Variants in CHD8 observed in about 807,000 individuals in gnomAD.
CHD8 encodes the protein ATP-dependent chromatin remodeler CHD8.
In CHD8, 31 loss-of-function variants were observed where a neutral mutation model predicts 279.2. The ratio of observed to expected loss-of-function variants is 0.11; its 90% CI spans 0.08 to 0.15. The LOEUF (loss-of-function observed/expected upper bound fraction) is 0.15. Ranked by LOEUF, CHD8 falls within the 10% of genes least tolerant of loss-of-function variation. The pLI, the probability that CHD8 is intolerant of heterozygous loss-of-function variation, is 1.00. For synonymous variants in CHD8, 1,081 were observed against 1,139.6 expected, an observed-to-expected ratio of 0.95 and a Z score of 1.04; for missense variants, 2,146 against 3,230.5, an observed-to-expected ratio of 0.66 and a Z score of 8.14.
intron 5 of CHD8, chr14:21,416,647 A>G (rs1037930091): frequency 6.6e-6 from 1 of 151,958 alleles, no homozygotes; most frequent in African/African-American, 2.4e-5. Context: ...AATTATGATT[A>G]TCTCTCTGGA....
chr14:21,390,961 T>C lies in CHD8; in HGVS notation c.7168A>G (p.Arg2390Gly). ...GMEPVQTANS[R>G]NGKKGHHTET... ...ATTTCTCTCACCTTTTTCCCATTTCTAGAGTTAGCTGTCTGTACTGGTTCC... is the reference window on the plus strand; with the variant it reads ...ATTTCTCTCACCTTTTTCCCATTTCCAGAGTTAGCTGTCTGTACTGGTTCC... The change falls in exon 37 of 38, where the codon AGA (arginine) becomes GGA (glycine). Residue 2390 changes from arginine to glycine, a missense_variant. Transcript: ENST00000646647. 1 of 1,589,070 alleles carries C rather than the reference T, an allele frequency of 6.3e-7. No homozygotes were observed. Among genetic ancestry groups the C allele is most frequent in the Non-Finnish European group, 8.6e-7 (1 of 1,162,144 alleles).
chr14:21,385,663 C>A lies in CHD8; in HGVS notation c.7696G>T (p.Asp2566Tyr). 1.9e-6 allele frequency: 3 copies of A among 1,551,938 alleles called. No homozygotes were observed. The highest frequency in any genetic ancestry group is 2.6e-6 in the Non-Finnish European group (3 of 1,147,042). Residue 2566 changes from aspartate to tyrosine, a missense_variant, in exon 38 of 38, where the codon GAT (aspartate) becomes TAT (tyrosine). By Grantham distance (160) the Asp-to-Tyr change is radical. This residue lies in a region of CHD8 where 336 missense variants were observed against 392.9 expected (regional missense o/e 0.86). Transcript: ENST00000646647. ...SSERDFSLID[D>Y]PMMPANSDSS... The stretch of plus-strand genomic sequence containing the variant: ...TCTGAGTTAGCTGGCATCATAGGAT[C>A]ATCAATGAGTGAGAAGTCCCTTTCT...
At chr14:21,394,546 A>G (rs1448878735) in intron 30 of CHD8, 61 bp from the exon 31 acceptor site, 21 of 1,053,142 alleles carry the variant, frequency 2.0e-5, no homozygotes, top group Non-Finnish European at 2.5e-5. Flanking sequence ...ACACAAGAAA[A>G]CTGGTTATTT....
At chr14:21,434,842 C>T (rs75153069) in intron 1 of CHD8, among the ~76,000 whole-genome samples, 1 of 151,972 alleles carries the variant, frequency 6.6e-6, no homozygotes, top group Admixed American at 6.6e-5. Context: ...CTTTTTTTAA[C>T]CCTCCTTCTA....
At position 21,400,365 on chromosome 14, in the gene CHD8, G is replaced by A. The variant is rs577648543; in HGVS notation, c.4570+48C>T. 1.2e-6 allele frequency: 2 copies of A among 1,606,820 alleles called. No homozygotes were observed. Among genetic ancestry groups the A allele is most frequent in the South Asian group, 2.2e-5 (2 of 89,870 alleles). On this transcript the variant is annotated intron_variant, in intron 23 of 37. Coordinates refer to ENST00000646647, the MANE Select transcript of CHD8 (RefSeq NM_001170629.2). The surrounding 1 kb of genome is among the most constrained non-coding windows in gnomAD (Gnocchi z 4.2). ...GAGAAAAACCCTTGGACCTGAAAAG[G>A]ATTAGATTAACCTATAGAAAAACAT...
chr14:21,437,233 T>C (rs1034881133), intron 1 of CHD8: 4 of 1,185,236 alleles, frequency 3.4e-6, no homozygotes, highest in African/African-American at 1.6e-5. Context: ...CCTCTCCCTG[T>C]CTCTCCAGCA....
Position 21,385,550 on chromosome 14 carries a change from T to C in CHD8, c.*63A>G, listed in dbSNP as rs557336181. 6.7e-7 allele frequency: 1 copy of C among 1,499,596 alleles called. No individual in the cohort carries two copies. Among genetic ancestry groups the C allele is most frequent in the East Asian group, 2.5e-5 (1 of 40,528 alleles). The allele number at this position is 1,499,596 out of a possible 1,614,324, so 92.9% of individuals were successfully genotyped here. A position where few individuals can be genotyped will look rare whatever the true frequency, so the allele number is the denominator to read the frequency against. On this transcript the variant is annotated 3_prime_UTR_variant, in exon 38 of 38. Coordinates refer to ENST00000646647, the MANE Select transcript of CHD8 (RefSeq NM_001170629.2). ...CCCTGCCCCTCCCACGTTTCCATAG[T>C]CCAAGGGCCAGAGTAAATGAAAATA...
In CHD8 at chr14:21,456,048, A is replaced by G. The variant is rs73581403; in HGVS notation, c.-232T>C. 0.14 allele frequency: 20,829 copies of G among 152,254 alleles called. 1,677 individuals are homozygous for G. Among genetic ancestry groups the G allele is most frequent in the Admixed American group, 0.22 (3,413 of 15,266 alleles). The allele number at this position is 152,254 out of a possible 1,614,324, so 9.4% of individuals were successfully genotyped here. A position where few individuals can be genotyped will look rare whatever the true frequency, so the allele number is the denominator to read the frequency against. ...GAAGCCTACCTGTGCAAGTCCTGGT[A>G]CTTCCTTTCCAGGCAGCGTTTCAAC... is the stretch of plus-strand genomic sequence containing the variant. On this transcript the variant is annotated 5_prime_UTR_variant, in exon 1 of 38. Transcript: ENST00000646647.
At chr14:21,401,592 ATT>A in intron 20 of CHD8, 79 bp from the exon 21 acceptor site, 5 of 841,076 alleles carry the variant, frequency 5.9e-6, no homozygotes, top group Non-Finnish European at 5.3e-6. Flanking sequence ...TTTTAAAAAC[ATT>A]TTTTTTTTGA....
chr14:21,413,166 G>C (rs1413344701), intron 9 of CHD8, among the ~76,000 whole-genome samples, 170 bp from the exon 10 acceptor site: 2 of 151,996 alleles, frequency 1.3e-5, no homozygotes, highest in Non-Finnish European at 2.9e-5. Context: ...GAATTTACCA[G>C]GGTCTATACC....
rs1320660254 is a variant in CHD8 at position 21,417,863 on chromosome 14, A to T, written c.1717-1956T>A. ...AGTGAGACTCTCTCAAAAAAAAAAAAAAATATATATATATATATAATATAT... is the reference window on the plus strand; with the variant it reads ...AGTGAGACTCTCTCAAAAAAAAAAATAAATATATATATATATATAATATAT... On this transcript the variant is annotated intron_variant, in intron 5 of 37. Coordinates refer to ENST00000646647, the MANE Select transcript of CHD8 (RefSeq NM_001170629.2). 1.4e-3 allele frequency among the ~76,000 whole-genome samples: 188 copies of T among 137,782 alleles called. 1 individual carries two copies. Among genetic ancestry groups the T allele is most frequent in the Non-Finnish European group, 2.2e-3 (142 of 64,916 alleles). The allele number at this position is 137,782 out of a possible 152,430, so 90.4% of individuals were successfully genotyped here.
intron 37 of CHD8, among the ~76,000 whole-genome samples, chr14:21,387,936 G>GT (rs774907596): frequency 2.0e-5 from 3 of 152,038 alleles, no homozygotes; most frequent in Non-Finnish European, 4.4e-5. Flanking sequence ...GTAAAAATAG[G>GT]TAACAGTGAA....
chr14:21,451,273 G>A (rs1890248181), intron 1 of CHD8, among the ~76,000 whole-genome samples: 1 of 152,024 alleles, frequency 6.6e-6, no homozygotes, highest in South Asian at 2.1e-4. Context: ...GAAGACTAAT[G>A]TAAAAGTAAT....
intron 7 of CHD8, 90 bp from the exon 8 acceptor site, chr14:21,415,083 C>A (rs925049212): frequency 1.2e-6 from 1 of 804,616 alleles, no homozygotes; most frequent in Non-Finnish European, 2.1e-6. Context: ...GAACTTCATA[C>A]CAATAATCTC....
At chr14:21,391,381 G>T in intron 36 of CHD8, 82 bp downstream of exon 36, 1 of 1,280,428 alleles carries the variant, frequency 7.8e-7, no homozygotes, top group Non-Finnish European at 1.1e-6. Context: ...CGATGATACA[G>T]TATGTCATGC....
At position 21,431,304 on chromosome 14, in the gene CHD8, T is replaced by C. The variant is rs1594379827; in HGVS notation, c.340A>G (p.Thr114Ala). 1 of 1,556,492 alleles carries C rather than the reference T, an allele frequency of 6.4e-7. No individual in the cohort carries two copies. The highest frequency in any genetic ancestry group is 8.6e-7 in the Non-Finnish European group (1 of 1,157,946). ...ACTTGCAAAAGTCCTGATGTTGGCG[T>C]CGATGTCTGTAAGACAGGTTGGGCT... ...QPAQPVLQTSTPTSGLLQVSK... is the reference protein window; with the variant it reads ...QPAQPVLQTSAPTSGLLQVSK... Residue 114 changes from threonine (T) to alanine (A), a missense_variant, in exon 2 of 38, where the codon ACG (threonine) becomes GCG (alanine). Thr to Ala is a moderately conservative substitution (Grantham distance 58). This residue lies in a region of CHD8 where 302 missense variants were observed against 325.5 expected (regional missense o/e 0.93). Transcript: ENST00000646647.
intron 5 of CHD8, among the ~76,000 whole-genome samples, chr14:21,421,751 C>A (rs987007888): frequency 2.0e-5 from 3 of 152,076 alleles, no homozygotes; most frequent in African/African-American, 7.2e-5. Context: ...TGTTGAAGCC[C>A]CTAACCCCCA....
At chr14:21,453,137 C>A (rs190255497) in intron 1 of CHD8, among the ~76,000 whole-genome samples, 1 of 151,660 alleles carries the variant, frequency 6.6e-6, no homozygotes, top group African/African-American at 2.4e-5. Flanking sequence ...GGCAAGACCC[C>A]GTCTCTTAAG....
intron 7 of CHD8, chr14:21,415,366 G>A (rs1467073909): frequency 3.0e-6 from 1 of 335,422 alleles, no homozygotes; most frequent in Non-Finnish European, 5.2e-6. Context: ...CAGGCGCAGT[G>A]GTGCACAATG....
Sources: gnomAD v4.1 joint callset for allele counts (sites outside exome capture counted in the v4.1 genomes callset) on GRCh38, gnomAD v4.1.1 for gene constraint, gnomAD v4.1.1 regional missense constraint, Gnocchi (gnomAD v3.1) non-coding constraint, MANE v1.5 for transcripts, NCBI Gene and HGNC (gene_info 2026-07-23, HGNC 2026-07-21) for gene names.